DNAI7: variants seen among roughly 807,000 people sequenced by gnomAD.
DNAI7 encodes the protein dynein axonemal intermediate chain 7.
A neutral mutation model predicts 86.6 loss-of-function variants in DNAI7; 78 were observed. The observed-to-expected ratio is 0.90, with a 90% CI of 0.75 to 1.09. The LOEUF (loss-of-function observed/expected upper bound fraction) is 1.09, where lower values mean the gene tolerates loss of function less well. Among genes scored for constraint, DNAI7 ranks in the 50% least tolerant of loss-of-function variants. The probability of loss-of-function intolerance (pLI) is 0.00; values close to 1 mark genes in which losing one functional copy is unlikely to be tolerated. For missense variants in DNAI7, 753 were observed against 810.2 expected (o/e 0.93, Z 0.86); for synonymous variants, 274 against 273.0 (o/e 1.00, Z -0.04).
At chr12:25,173,920 T>C (rs1378923832) in intron 2 of DNAI7, among the ~76,000 whole-genome samples, 2 of 143,880 alleles carry the variant, frequency 1.4e-5, no homozygotes, top group African/African-American at 5.1e-5. Flanking sequence ...ATATGGAATA[T>C]ATATATCATA....
intron 2 of DNAI7, among the ~76,000 whole-genome samples, chr12:25,185,361 A>G (rs1949934979): frequency 6.6e-6 from 1 of 152,194 alleles, no homozygotes; most frequent in Non-Finnish European, 1.5e-5. Context: ...GCCTCAAATT[A>G]ATGAAATCAG....
At chr12:25,165,808 C>G (rs1017049586) in intron 2 of DNAI7, among the ~76,000 whole-genome samples, 1 of 152,176 alleles carries the variant, frequency 6.6e-6, no homozygotes, top group Non-Finnish European at 1.5e-5. Flanking sequence ...GGCCAGGCTT[C>G]TAAACCTCTT....
At chr12:25,184,489 G>T (rs1184853244) in intron 2 of DNAI7, among the ~76,000 whole-genome samples, 1 of 152,102 alleles carries the variant, frequency 6.6e-6, no homozygotes, top group Non-Finnish European at 1.5e-5. Context: ...CCAATGCATA[G>T]ATATACCAAA....
Position 25,167,791 on chromosome 12 carries a change from A to T in DNAI7, c.22-6594T>A, listed in dbSNP as rs997129181. On this transcript the variant is annotated intron_variant, in intron 2 of 15. Transcript: ENST00000395987. ...CAAGCTGCCACCCTCCTCCGCACTT[A>T]CTTAAAACACCTTTCTCCTTATATC... 2.0e-5 allele frequency among the ~76,000 whole-genome samples: 3 copies of T among 152,222 alleles called. No individual in the cohort carries two copies. The East Asian group carries it at 5.8e-4, about 29-fold the overall frequency.
intron 2 of DNAI7, among the ~76,000 whole-genome samples, chr12:25,163,617 G>T (rs370794865): frequency 6.6e-6 from 1 of 152,166 alleles, no homozygotes; most frequent in Non-Finnish European, 1.5e-5. Flanking sequence ...TCATATGGAC[G>T]AGAGTGAAAT....
intron 8 of DNAI7, among the ~76,000 whole-genome samples, chr12:25,146,599 C>CAGAAAA (rs146504685): frequency 1.4e-5 from 2 of 140,406 alleles, no homozygotes; most frequent in African/African-American, 5.1e-5. Context: ...GACTGTGTCT[C>CAGAAAA]AAAAAAAAAA....
At chr12:25,110,722 C>T (rs1200502966) in intron 14 of DNAI7, among the ~76,000 whole-genome samples, 1 of 152,214 alleles carries the variant, frequency 6.6e-6, no homozygotes, top group Non-Finnish European at 1.5e-5. Context: ...ATATGGGTGT[C>T]ATATGGCCTC....
chr12:25,194,937 C>T, intron 1 of DNAI7, 139 bp downstream of exon 1: 1 of 1,614,192 alleles, frequency 6.2e-7, no homozygotes, highest in Non-Finnish European at 8.5e-7. Context: ...AGGGCCGACC[C>T]ACCCCAAGGT....
chr12:25,154,353 T>C lies in DNAI7; in HGVS notation c.404A>G (p.Glu135Gly), dbSNP rs778583326. The C allele has an allele frequency of 6.2e-7, 1 of 1,610,930 alleles. No individual in the cohort carries two copies. The highest frequency in any genetic ancestry group is 2.2e-5 in the East Asian group (1 of 44,744). Residue 135 changes from glutamate to glycine, a missense_variant, in exon 6 of 16, where the codon GAG (glutamate) becomes GGG (glycine). Transcript: ENST00000395987. ...LWKEKTNETF[E>G]EVIEKSKVVL... ...TACTTTACTCTTCTCAATCACTTCC[T>C]CAAAAGTCTCATTTGTTTTCTCTTT...
At chr12:25,142,456 G>A (rs1944322023) in intron 9 of DNAI7, among the ~76,000 whole-genome samples, 1 of 151,188 alleles carries the variant, frequency 6.6e-6, no homozygotes, top group South Asian at 2.1e-4. Flanking sequence ...ACTTATCCAT[G>A]TAACCAAATG....
chr12:25,107,804 G>A, downstream of DNAI7: 1 of 1,602,096 alleles, frequency 6.2e-7, no homozygotes, highest in South Asian at 1.1e-5. Flanking sequence ...TTCTATTTGT[G>A]TTTTCCTTAT....
intron 12 of DNAI7, among the ~76,000 whole-genome samples, chr12:25,116,743 C>T (rs1940191329): frequency 6.6e-6 from 1 of 151,716 alleles, no homozygotes; most frequent in African/African-American, 2.4e-5. Flanking sequence ...GTTCCGCCTG[C>T]CTCAGCCTCC....
At chr12:25,110,329 C>T (rs1949715822) in intron 14 of DNAI7, 89 bp from the exon 15 acceptor site, 9 of 712,148 alleles carry the variant, frequency 1.3e-5, no homozygotes, top group Admixed American at 9.1e-5. Flanking sequence ...ATTTTCAACA[C>T]AGACGGATCC....
chr12:25,143,878 A>G (rs982420959), intron 9 of DNAI7, among the ~76,000 whole-genome samples: 6 of 152,236 alleles, frequency 3.9e-5, no homozygotes, highest in African/African-American at 1.4e-4. Flanking sequence ...CTAAAGGAAT[A>G]TGATTATTAA....
Position 25,190,258 on chromosome 12 carries a change from T to C in DNAI7, c.21+356A>G, listed in dbSNP as rs184045234. ...TACCTCAGATTTCACTTTAAAGCCA[T>C]AGCACATTTTATAATTAAAATTTTA... On this transcript the variant is annotated intron_variant, in intron 2 of 15. Coordinates refer to ENST00000395987, the MANE Select transcript of DNAI7 (RefSeq NM_018272.5). 5.3e-3 allele frequency among the ~76,000 whole-genome samples: 803 copies of C among 152,224 alleles called. 9 individuals carry two copies. Among genetic ancestry groups the C allele is most frequent in the African/African-American group, 0.016 (676 of 41,550 alleles).
intron 9 of DNAI7, among the ~76,000 whole-genome samples, chr12:25,134,283 T>C (rs746912053): frequency 4.6e-5 from 7 of 151,788 alleles, no homozygotes; most frequent in African/African-American, 7.3e-5. Flanking sequence ...AGACTATGTA[T>C]TTGAACATAG....
At chr12:25,128,862 C>G (rs182814061) in intron 9 of DNAI7, among the ~76,000 whole-genome samples, 12 of 152,242 alleles carry the variant, frequency 7.9e-5, no homozygotes, top group Admixed American at 7.9e-4. Flanking sequence ...CATACAGTAG[C>G]CAGAATAACC....
chr12:25,146,061 A>T (rs992351008), intron 8 of DNAI7, among the ~76,000 whole-genome samples: 1 of 151,738 alleles, frequency 6.6e-6, no homozygotes, highest in Non-Finnish European at 1.5e-5. Context: ...CGTCTCTACT[A>T]AAAATACAAA....
At chr12:25,162,064 C>T (rs578043249) in intron 2 of DNAI7, among the ~76,000 whole-genome samples, 1 of 152,168 alleles carries the variant, frequency 6.6e-6, no homozygotes, top group Admixed American at 6.5e-5. Context: ...GAATAGATGG[C>T]ATCTAAATTT....
Sources: allele counts gnomAD v4.1 joint callset (sites outside exome capture counted in the v4.1 genomes callset), GRCh38; gene constraint gnomAD v4.1.1; transcripts MANE v1.5; gene names NCBI Gene and HGNC (gene_info 2026-07-23, HGNC 2026-07-21).